The following MGA variants were observed in gnomAD, a reference collection of about 807,000 sequenced individuals.
MGA encodes the protein MAX gene-associated protein.
In MGA, 40 loss-of-function variants were observed where a neutral mutation model predicts 261.1. The ratio of observed to expected loss-of-function variants is 0.15; its 90% confidence interval spans 0.12 to 0.20. The LOEUF (loss-of-function observed/expected upper bound fraction) is 0.20. Ranked by LOEUF, MGA falls within the 10% of genes least tolerant of loss-of-function variation. MGA has a pLI of 1.00. For synonymous variants in MGA, 1,302 were observed against 1,290.6 expected, an observed-to-expected ratio of 1.01 and a Z score of -0.19; for missense variants, 3,397 against 3,630.5, an observed-to-expected ratio of 0.94 and a Z score of 1.65.
intron 15 of MGA, among the ~76,000 whole-genome samples, chr15:41,746,179 A>G (rs909852097): frequency 1.3e-5 from 2 of 152,144 alleles, no homozygotes; most frequent in African/African-American, 4.8e-5. Context: ...ATCACTCTCT[A>G]AAAGTTAATT....
intron 2 of MGA, among the ~76,000 whole-genome samples, chr15:41,690,990 C>CTTT (rs1723494657): frequency 1.8e-5 from 2 of 112,942 alleles, no homozygotes; most frequent in East Asian, 9.8e-4. Context: ...TTCAAGATTG[C>CTTT]TTTGTTTTTT....
intron 15 of MGA, 104 bp from the exon 16 acceptor site, chr15:41,748,533 G>A: frequency 7.6e-7 from 1 of 1,317,920 alleles, no homozygotes; most frequent in Non-Finnish European, 1.0e-6. Flanking sequence ...TCCAGCCTGA[G>A]CAACAAAGCA....
intron 1 of MGA, among the ~76,000 whole-genome samples, chr15:41,654,596 A>G (rs749816352): frequency 3.3e-5 from 5 of 152,126 alleles, no homozygotes; most frequent in Non-Finnish European, 7.4e-5. Flanking sequence ...ATTTGTAAAC[A>G]ATTTTCCAGT....
chr15:41,733,516 T>A (rs2061617157), intron 11 of MGA, among the ~76,000 whole-genome samples: 1 of 152,196 alleles, frequency 6.6e-6, no homozygotes, highest in South Asian at 2.1e-4. Flanking sequence ...GGGCTCCACC[T>A]TCGCTTGTAC....
chr15:41,760,910 A>G (rs1263260923), intron 20 of MGA, among the ~76,000 whole-genome samples: 1 of 152,088 alleles, frequency 6.6e-6, no homozygotes, highest in Non-Finnish European at 1.5e-5. Flanking sequence ...CTAATTTTGT[A>G]TTTTTAGTAG....
At position 41,769,353 on chromosome 15, in the gene MGA, G is replaced by A. The variant is rs1210156639; in HGVS notation, c.*2073G>A. ...TATAGGTAAACAGGTAATGATTCTT[G>A]ATTGGAGATACCATTTGACTCTTGA... On this transcript the variant is annotated 3_prime_UTR_variant, in exon 24 of 24. Transcript: ENST00000219905. The A allele has an allele frequency of 7.2e-6, 1 of 138,680 alleles. No homozygotes were observed. Among genetic ancestry groups the A allele is most frequent in the African/African-American group, 2.7e-5 (1 of 37,338 alleles). The allele number at this position is 138,680 out of a possible 1,614,324, so 8.6% of individuals were successfully genotyped here.
chr15:41,637,413 A>G (rs771041406), intron 1 of MGA, among the ~76,000 whole-genome samples: 2 of 152,216 alleles, frequency 1.3e-5, no homozygotes, highest in Non-Finnish European at 2.9e-5. Flanking sequence ...TTCAAATAGT[A>G]TATTACTTGA....
chr15:41,704,310 G>A (rs944170456), intron 5 of MGA, among the ~76,000 whole-genome samples: 9 of 151,836 alleles, frequency 5.9e-5, no homozygotes, highest in African/African-American at 2.2e-4. Context: ...GGAATTACAA[G>A]TGTGAGCCAT....
chr15:41,732,922 C>G (rs2061585394), intron 11 of MGA, among the ~76,000 whole-genome samples: 1 of 152,154 alleles, frequency 6.6e-6, no homozygotes, highest in African/African-American at 2.4e-5. Flanking sequence ...AAGGGCTGCT[C>G]TGTCTATGGA....
intron 13 of MGA, among the ~76,000 whole-genome samples, chr15:41,739,651 AATG>A (rs2061981928): frequency 6.6e-6 from 1 of 152,218 alleles, no homozygotes; most frequent in Non-Finnish European, 1.5e-5. Context: ...AGGATGCAGA[AATG>A]ATGAGTTTCC....
At chr15:41,762,655 G>A (rs775430333) in intron 22 of MGA, among the ~76,000 whole-genome samples, 2 of 151,698 alleles carry the variant, frequency 1.3e-5, no homozygotes, top group Non-Finnish European at 2.9e-5. Flanking sequence ...TTTTAGTAGA[G>A]ATGGGATTTT....
chr15:41,766,950 A>G lies in MGA; in HGVS notation c.8868A>G (p.Ala2956=). 1 of 1,614,042 alleles carries G rather than the reference A, an allele frequency of 6.2e-7. No individual in the cohort carries two copies. The highest frequency in any genetic ancestry group is 8.5e-7 in the Non-Finnish European group (1 of 1,179,888). ...GGAAGAATACTTCTGGCCTCCCTGC[A>G]GAGCCCGAAAGTGTGTCCTCACCCC... The change falls in exon 24 of 24, where the codon GCA becomes GCG. Residue 2956 remains alanine (A), a synonymous_variant. Transcript: ENST00000219905.
At chr15:41,713,988 T>G (rs1940907455) in intron 9 of MGA, among the ~76,000 whole-genome samples, 1 of 152,172 alleles carries the variant, frequency 6.6e-6, no homozygotes, top group African/African-American at 2.4e-5. Context: ...GGTTTTTTTT[T>G]GGTGGGAGAG....
intron 2 of MGA, among the ~76,000 whole-genome samples, chr15:41,694,036 T>G (rs1284118973): frequency 6.6e-6 from 1 of 152,134 alleles, no homozygotes; most frequent in Non-Finnish European, 1.5e-5. Flanking sequence ...AACTGTTTAG[T>G]GTAACTTTTC....
At chr15:41,661,365 G>A (rs1416078094) in intron 1 of MGA, among the ~76,000 whole-genome samples, 2 of 124,086 alleles carry the variant, frequency 1.6e-5, no homozygotes, top group East Asian at 5.4e-4. Context: ...AGCTCCAGTA[G>A]CCAAAGTTGA....
chr15:41,630,191 T>C (rs2056557869), intron 1 of MGA, among the ~76,000 whole-genome samples: 1 of 152,170 alleles, frequency 6.6e-6, no homozygotes, highest in Non-Finnish European at 1.5e-5. Flanking sequence ...GGAATACTCT[T>C]TCTCCTCCTG....
chr15:41,727,094 G>A (rs760208630), intron 9 of MGA, 86 bp from the exon 10 acceptor site: 1 of 969,208 alleles, frequency 1.0e-6, no homozygotes, highest in Non-Finnish European at 1.5e-6. Context: ...CCTTTTGTGA[G>A]GGAGCGTATT....
In MGA at chr15:41,713,233, G is replaced by A; in HGVS notation, c.3167G>A (p.Cys1056Tyr). The A allele has an allele frequency of 6.2e-7, 1 of 1,614,012 alleles. No individual in the cohort carries two copies. The highest frequency in any genetic ancestry group is 8.5e-7 in the Non-Finnish European group (1 of 1,179,894). Reference sequence around the variant, plus strand: ...AACAATGACTTCTGTCGACTGGGTTGTGTATGTTCCAGTCTAGCTTTGGAG... The same window carrying A: ...AACAATGACTTCTGTCGACTGGGTTATGTATGTTCCAGTCTAGCTTTGGAG... Residue 1056 changes from cysteine (C) to tyrosine (Y), a missense_variant, in exon 9 of 24, where the codon TGT becomes TAT. By Grantham distance (194) the Cys-to-Tyr change is radical (BLOSUM62 -2). Transcript: ENST00000219905.
intron 2 of MGA, among the ~76,000 whole-genome samples, chr15:41,672,775 A>G (rs1437949110): frequency 2.0e-5 from 3 of 152,180 alleles, no homozygotes; most frequent in South Asian, 2.1e-4. Context: ...AGATGCTTGT[A>G]AAGCGTAAAA....
Sources: allele counts gnomAD v4.1 joint callset (sites outside exome capture counted in the v4.1 genomes callset), GRCh38; gene constraint gnomAD v4.1.1; transcripts MANE v1.5; gene names NCBI Gene and HGNC (gene_info 2026-07-23, HGNC 2026-07-21).